The following CACUL1 variants were observed in gnomAD, a reference collection of about 807,000 sequenced individuals.
The protein encoded by CACUL1 is CDK2 associated cullin domain 1.
Under a neutral mutation model 45.2 loss-of-function variants are expected in CACUL1, and 13 were observed. That is an observed-to-expected ratio of 0.29 (90% CI 0.19 to 0.46). The LOEUF (loss-of-function observed/expected upper bound fraction) is 0.46. CACUL1 is among the 20% of genes least tolerant of loss of function. The pLI is 1.00. For synonymous variants in CACUL1, 197 were observed against 174.2 expected, an observed-to-expected ratio of 1.13 and a Z score of -1.03; for missense variants, 421 against 471.4, an observed-to-expected ratio of 0.89 and a Z score of 0.99.
chr10:118,700,856 G>A lies in CACUL1; in HGVS notation c.796+450C>T, dbSNP rs180826091. ...ACTCAGGGCCACAAGAGGCAAAGAC[G>A]TTTGCCTAAAATAGAGAATAAATGA... On this transcript the variant is annotated intron_variant, in intron 5 of 8. Transcript: ENST00000369151. 3.6e-3 allele frequency among the ~76,000 whole-genome samples: 550 copies of A among 152,266 alleles called. 2 individuals are homozygous for A. The highest frequency in any genetic ancestry group is 0.013 in the African/African-American group (525 of 41,536).
intron 5 of CACUL1, among the ~76,000 whole-genome samples, chr10:118,699,260 T>G (rs1265254780): frequency 6.6e-6 from 1 of 152,236 alleles, no homozygotes; most frequent in Non-Finnish European, 1.5e-5. Context: ...AATAAGTATC[T>G]GATAAACTCA....
At position 118,679,743 on chromosome 10, in the gene CACUL1, T is replaced by C. The variant is rs1313312422; in HGVS notation, c.*6385A>G. The C allele has an allele frequency of 6.6e-6, 1 of 152,222 alleles. No homozygotes were observed. The highest frequency in any genetic ancestry group is 1.5e-5 in the Non-Finnish European group (1 of 68,104). 9.4% of individuals were successfully genotyped at this position (152,222 alleles called of 1,614,324 possible). A position where few individuals can be genotyped will look rare whatever the true frequency, so the allele number is the denominator to read the frequency against. ...CATGTTGGCCAGGCTGGTCTTGAACTCCTGACCTCAAATGATACGCCCACC... is the reference window on the plus strand; with the variant it reads ...CATGTTGGCCAGGCTGGTCTTGAACCCCTGACCTCAAATGATACGCCCACC... On this transcript the variant is annotated 3_prime_UTR_variant, in exon 9 of 9. Transcript: ENST00000369151.
chr10:118,717,914 C>A (rs1190966444), intron 3 of CACUL1, among the ~76,000 whole-genome samples: 1 of 152,020 alleles, frequency 6.6e-6, no homozygotes, highest in Admixed American at 6.6e-5. Flanking sequence ...AGCAGGAATA[C>A]CTAAAGAAGC....
Position 118,686,158 on chromosome 10 carries a change from T to C in CACUL1, c.1080A>G (p.Ser360=). 6.2e-7 allele frequency: 1 copy of C among 1,612,848 alleles called. No homozygotes were observed. The highest frequency in any genetic ancestry group is 8.5e-7 in the Non-Finnish European group (1 of 1,178,938). The change falls in exon 9 of 9, where the codon TCA becomes TCG. Residue 360 remains serine, a synonymous_variant. Coordinates refer to ENST00000369151, the MANE Select transcript of CACUL1 (RefSeq NM_153810.5). The part of the protein sequence containing the change: ...AGDELAYNSS[S]ACASSRGYR ...TGTACCCCCTGGAACTTGCACATGC[T>C]GACGAGCTATCTGAAAAAACATCAG...
rs1309943706 is a variant in CACUL1, at chr10:118,691,362, G to C, written c.928C>G (p.Pro310Ala). Reference protein sequence around the residue: ...MAPTLFSKFIPNILPPAVESE... With the variant: ...MAPTLFSKFIANILPPAVESE... Reference sequence around the variant, plus strand: ...TCCACCGCCGGAGGGAGAATGTTTGGAATAAATTTAGAAAATAGAGTTGGA... The same window carrying C: ...TCCACCGCCGGAGGGAGAATGTTTGCAATAAATTTAGAAAATAGAGTTGGA... Residue 310 changes from proline (P) to alanine (A), a missense_variant, in exon 7 of 9, where the codon CCA becomes GCA. Pro to Ala is a conservative substitution (Grantham distance 27, BLOSUM62 -1). Transcript: ENST00000369151. 4 of 1,612,740 alleles carry C rather than the reference G, an allele frequency of 2.5e-6. No homozygotes were observed. Among genetic ancestry groups the C allele is most frequent in the African/African-American group, 1.3e-5 (1 of 74,880 alleles).
intron 1 of CACUL1, among the ~76,000 whole-genome samples, chr10:118,748,346 T>C (rs530289951): frequency 6.6e-6 from 1 of 152,288 alleles, no homozygotes; most frequent in South Asian, 2.1e-4. Context: ...AAGTAGTGGA[T>C]TCCCCAAGTT....
intron 1 of CACUL1, among the ~76,000 whole-genome samples, chr10:118,739,552 T>A (rs761952373): frequency 4.6e-5 from 7 of 151,494 alleles, no homozygotes; most frequent in Non-Finnish European, 1.0e-4. Context: ...CAATCAAGTG[T>A]GAAAGCAGCA....
intron 1 of CACUL1, among the ~76,000 whole-genome samples, chr10:118,746,151 C>CAAAAAAAAAAAAAAAA (rs376453440): frequency 4.4e-5 from 4 of 91,262 alleles, no homozygotes; most frequent in Non-Finnish European, 7.0e-5. Context: ...GACACTGTCT[C>CAAAAAAAAAAAAAAAA]AAAAAAAAAA....
At chr10:118,712,470 T>G (rs931438006) in intron 3 of CACUL1, among the ~76,000 whole-genome samples, 1 of 152,264 alleles carries the variant, frequency 6.6e-6, no homozygotes, top group African/African-American at 2.4e-5. Context: ...GTCTCAGCCC[T>G]GTTTGTGTTA....
chr10:118,699,797 C>T (rs1845360121), intron 5 of CACUL1, among the ~76,000 whole-genome samples: 1 of 152,086 alleles, frequency 6.6e-6, no homozygotes, highest in Non-Finnish European at 1.5e-5. Flanking sequence ...AGGCGCCCGC[C>T]ACCATGCCCG....
At chr10:118,752,650 GA>G (rs1845909389) in intron 1 of CACUL1, among the ~76,000 whole-genome samples, 2 of 152,164 alleles carry the variant, frequency 1.3e-5, no homozygotes, top group Admixed American at 6.5e-5. Flanking sequence ...CTCATAAAAT[GA>G]ACTTGGTATT....
intron 5 of CACUL1, among the ~76,000 whole-genome samples, chr10:118,699,991 A>C (rs756291415): frequency 2.0e-5 from 3 of 151,218 alleles, no homozygotes; most frequent in Non-Finnish European, 3.0e-5. Flanking sequence ...CCAGCCTTAC[A>C]AAAAAAAATG....
intron 7 of CACUL1, among the ~76,000 whole-genome samples, chr10:118,689,806 A>G (rs1845243993): frequency 6.6e-6 from 1 of 152,228 alleles, no homozygotes; most frequent in African/African-American, 2.4e-5. Context: ...CAAACTCAAT[A>G]TGCTCAAAAT....
chr10:118,698,387 G>A (rs111988364), intron 5 of CACUL1, among the ~76,000 whole-genome samples: 3 of 152,010 alleles, frequency 2.0e-5, no homozygotes, highest in African/African-American at 4.8e-5. Context: ...CAAGTGATCC[G>A]CCTGCCTCGG....
At chr10:118,688,062 C>T (rs2119542860) in intron 7 of CACUL1, among the ~76,000 whole-genome samples, 1 of 152,238 alleles carries the variant, frequency 6.6e-6, no homozygotes, top group East Asian at 1.9e-4. Flanking sequence ...ATAAAGTTTC[C>T]CATTTACTTT....
At chr10:118,713,121 G>A (rs1458046759) in intron 3 of CACUL1, among the ~76,000 whole-genome samples, 4 of 152,322 alleles carry the variant, frequency 2.6e-5, no homozygotes, top group South Asian at 2.1e-4. Flanking sequence ...CCCAAAGTCC[G>A]GAGGGGGCCG....
At chr10:118,691,996 TA>T (rs754894872) in intron 6 of CACUL1, among the ~76,000 whole-genome samples, 1 of 151,808 alleles carries the variant, frequency 6.6e-6, no homozygotes, top group Non-Finnish European at 1.5e-5. Flanking sequence ...CAGAAAATTA[TA>T]AGTATGGAGG....
In CACUL1 at chr10:118,730,358, C is replaced by A. The variant is rs560802241; in HGVS notation, c.420G>T (p.Leu140Phe). The A allele has an allele frequency of 6.2e-7, 1 of 1,613,692 alleles. No homozygotes were observed. Among genetic ancestry groups the A allele is most frequent in the African/African-American group, 1.3e-5 (1 of 75,036 alleles). The change falls in exon 2 of 9, where the codon TTG becomes TTT. Residue 140 changes from leucine to phenylalanine, a missense_variant. Physicochemically the swap from Leu to Phe is conservative, Grantham distance 22. Around this residue, in one of 2 missense-constraint regions of CACUL1, gnomAD observed 208 missense variants for 298.4 expected, o/e 0.70. Transcript: ENST00000369151. The part of the protein sequence containing the change: ...EDYKSTYWPK[L>F]DGAIDQLLTQ... ...TTAAAAGTTGATCTATGGCACCATC[C>A]AATTTTGGCCAGTATGTGCTCTTAT...
intron 3 of CACUL1, among the ~76,000 whole-genome samples, chr10:118,713,079 A>C (rs1845506722): frequency 6.6e-6 from 1 of 152,174 alleles, no homozygotes; most frequent in Non-Finnish European, 1.5e-5. Flanking sequence ...TGCCCTCAGC[A>C]CCCCTTGGCT....
Sources: gnomAD v4.1 joint callset for allele counts (sites outside exome capture counted in the v4.1 genomes callset) on GRCh38, gnomAD v4.1.1 for gene constraint, gnomAD v4.1.1 regional missense constraint, MANE v1.5 for transcripts, NCBI Gene and HGNC (gene_info 2026-07-23, HGNC 2026-07-21) for gene names.